PTK2: variants seen among roughly 807,000 people sequenced by gnomAD.
PTK2 encodes protein tyrosine kinase 2, also known as focal adhesion kinase 1.
Under a neutral mutation model 150.1 loss-of-function variants are expected in PTK2, and 45 were observed. That is an observed-to-expected ratio of 0.30 (90% CI 0.24 to 0.38). PTK2 has a LOEUF of 0.38. Among genes scored for constraint, PTK2 ranks in the 10% least tolerant of loss-of-function variants. PTK2 has a pLI of 1.00. For synonymous variants in PTK2, 432 were observed against 449.2 expected (o/e 0.96, Z 0.48); for missense variants, 919 against 1,307.3 (o/e 0.70, Z 4.58).
In PTK2 at chr8:140,748,994, C is replaced by T. The variant is rs142628350; in HGVS notation, c.1418-2134G>A. On this transcript the variant is annotated intron_variant, in intron 17 of 31. Coordinates refer to ENST00000522684, the Ensembl canonical transcript of PTK2. ...TTAAAAATACGATCAACATGTAATA[C>T]TGCCAACATGTTACAGAATAGCTGG... Among the ~76,000 whole-genome samples the T allele has an allele frequency of 4.5e-3, 685 of 152,330 alleles. 4 individuals carry two copies. The highest frequency in any genetic ancestry group is 0.016 in the African/African-American group (648 of 41,562).
chr8:140,726,988 T>G (rs2100046232), intron 22 of PTK2, among the ~76,000 whole-genome samples: 1 of 152,228 alleles, frequency 6.6e-6, no homozygotes, highest in Non-Finnish European at 1.5e-5. Flanking sequence ...AGTTTCTACA[T>G]TTTATATGAA....
At chr8:140,845,319 C>T (rs1434056137) in intron 7 of PTK2, among the ~76,000 whole-genome samples, 1 of 152,116 alleles carries the variant, frequency 6.6e-6, no homozygotes, top group Non-Finnish European at 1.5e-5. Context: ...CCCTCTCTCC[C>T]TCATAAGAAT....
intron 26 of PTK2, chr8:140,686,945 C>T: frequency 2.1e-6 from 1 of 471,186 alleles, no homozygotes. Flanking sequence ...GCTGGAGAAC[C>T]TGCACTTTAC....
Position 140,675,453 on chromosome 8 carries a change from T to C in PTK2, c.2602+7A>G. On this transcript the variant is annotated splice_region_variant and intron_variant, in intron 28 of 31. Coordinates refer to ENST00000522684, the Ensembl canonical transcript of PTK2. Reference sequence around the variant, plus strand: ...ACTTCTTTCCGCCCAATTCTTTTCTTCTTTACCTGGTTTACCCACAGGCTG... The same window carrying C: ...ACTTCTTTCCGCCCAATTCTTTTCTCCTTTACCTGGTTTACCCACAGGCTG... The C allele has an allele frequency of 6.2e-7, 1 of 1,612,620 alleles. No homozygotes were observed. The highest frequency in any genetic ancestry group is 8.5e-7 in the Non-Finnish European group (1 of 1,178,682).
chr8:140,793,318 A>G, intron 13 of PTK2, 36 bp downstream of exon 13: 1 of 1,590,050 alleles, frequency 6.3e-7, no homozygotes, highest in Non-Finnish European at 8.5e-7. Context: ...ACTTTCCAAC[A>G]AAACAAAATA....
intron 22 of PTK2, among the ~76,000 whole-genome samples, chr8:140,726,471 T>C (rs1236523831): frequency 1.3e-5 from 2 of 152,102 alleles, no homozygotes; most frequent in African/African-American, 2.4e-5. Context: ...CCTACTTAAA[T>C]TGCTGAAAAA....
At chr8:140,855,135 G>A (rs2100131733) in intron 5 of PTK2, among the ~76,000 whole-genome samples, 1 of 152,118 alleles carries the variant, frequency 6.6e-6, no homozygotes, top group Admixed American at 6.5e-5. Flanking sequence ...CCAGGCATGA[G>A]CCACTGCATC....
chr8:140,882,781 G>C (rs2100149939), intron 3 of PTK2, among the ~76,000 whole-genome samples: 1 of 152,076 alleles, frequency 6.6e-6, no homozygotes, highest in Non-Finnish European at 1.5e-5. Flanking sequence ...GTCATCAAAG[G>C]TATTTATGAC....
At chr8:140,669,831 C>T (rs2094590334) in intron 29 of PTK2, 96 bp from the exon 33 acceptor site, 13 of 1,341,618 alleles carry the variant, frequency 9.7e-6, no homozygotes, top group Non-Finnish European at 1.2e-5. Flanking sequence ...GACAAATCCC[C>T]CATAAAAACA....
chr8:140,789,301 A>G (rs2100086936), intron 14 of PTK2, among the ~76,000 whole-genome samples, 173 bp downstream of exon 14: 1 of 151,488 alleles, frequency 6.6e-6, no homozygotes, highest in Non-Finnish European at 1.5e-5. Flanking sequence ...AAAAAAAACT[A>G]TGAGCCATAC....
exon 14 of PTK2, chr8:140,789,487 G>C: frequency 6.2e-7 from 1 of 1,613,266 alleles, no homozygotes. Context: ...ACACAGAGAC[G>C]GCGTGTGTCC....
intron 1 of PTK2, among the ~76,000 whole-genome samples, chr8:140,991,656 C>T (rs997113705): frequency 2.6e-5 from 4 of 151,986 alleles, no homozygotes; most frequent in Admixed American, 1.3e-4. Context: ...TTTCAAAACA[C>T]CCTAAAGCAG....
chr8:140,716,475 T>G (rs1248988374), intron 23 of PTK2, among the ~76,000 whole-genome samples: 3 of 152,206 alleles, frequency 2.0e-5, no homozygotes, highest in Admixed American at 2.0e-4. Context: ...GACAGGTATG[T>G]GTTTCTTCTC....
intron 7 of PTK2, among the ~76,000 whole-genome samples, chr8:140,843,592 T>G (rs2100123560): frequency 6.6e-6 from 1 of 152,200 alleles, no homozygotes; most frequent in African/African-American, 2.4e-5. Flanking sequence ...GCCAGGCCAC[T>G]CAACTAGCAC....
intron 1 of PTK2, chr8:140,927,519 T>TG (rs2100169919): frequency 6.6e-6 from 1 of 152,242 alleles, no homozygotes; most frequent in Non-Finnish European, 1.5e-5. Flanking sequence ...GGGGGTCTGA[T>TG]GGTGTCAGGA....
intron 2 of PTK2, among the ~76,000 whole-genome samples, chr8:140,914,176 G>A (rs1215407594): frequency 1.3e-5 from 2 of 151,932 alleles, no homozygotes; most frequent in East Asian, 1.9e-4. Flanking sequence ...TGTGAGCTAC[G>A]AATCAATGAC....
chr8:140,972,067 A>G (rs1230074570), intron 1 of PTK2, among the ~76,000 whole-genome samples: 1 of 152,200 alleles, frequency 6.6e-6, no homozygotes, highest in Non-Finnish European at 1.5e-5. Flanking sequence ...TTTCAAAGAT[A>G]AAATATGTAA....
intron 2 of PTK2, among the ~76,000 whole-genome samples, chr8:140,898,290 T>A (rs1303300780): frequency 3.3e-5 from 5 of 152,220 alleles, no homozygotes; most frequent in Admixed American, 6.5e-5. Context: ...CCTAGGCTGT[T>A]AAACAGTTCC....
intron 24 of PTK2, among the ~76,000 whole-genome samples, chr8:140,705,196 C>T (rs890376923): frequency 2.0e-5 from 3 of 152,196 alleles, no homozygotes; most frequent in South Asian, 2.1e-4. Flanking sequence ...TACATTCTCC[C>T]TTATTACTGA....
Sources: allele counts gnomAD v4.1 joint callset (sites outside exome capture counted in the v4.1 genomes callset), GRCh38; gene constraint gnomAD v4.1.1; transcripts MANE v1.5; gene names NCBI Gene and HGNC (gene_info 2026-07-23, HGNC 2026-07-21).